COL4A4: variants seen among roughly 807,000 people sequenced by gnomAD.
COL4A4 encodes collagen alpha-4(IV) chain.
In COL4A4, 105 loss-of-function variants were observed where a neutral mutation model predicts 192.9. The ratio of observed to expected loss-of-function variants is 0.54; its 90% confidence interval spans 0.46 to 0.64. COL4A4 has a LOEUF of 0.64. Among genes scored for constraint, COL4A4 ranks in the 30% least tolerant of loss-of-function variants. COL4A4 has a pLI of 0.00. For missense variants in COL4A4, 1,967 were observed against 2,169.3 expected (o/e 0.91, Z 1.85); for synonymous variants, 762 against 769.9 (o/e 0.99, Z 0.17).
At chr2:227,062,947 G>A (rs965062068) in intron 25 of COL4A4, among the ~76,000 whole-genome samples, 1 of 152,176 alleles carries the variant, frequency 6.6e-6, no homozygotes, top group Non-Finnish European at 1.5e-5. Flanking sequence ...ATGTAATGGA[G>A]ATCTATTACA....
chr2:227,058,292 C>T (rs970251152), intron 28 of COL4A4, among the ~76,000 whole-genome samples: 1 of 151,806 alleles, frequency 6.6e-6, no homozygotes, highest in African/African-American at 2.4e-5. Flanking sequence ...GTGTGTCTGT[C>T]TTTGTTCTTT....
At chr2:227,150,502 ATTATC>A (rs1394582388) in intron 1 of COL4A4, among the ~76,000 whole-genome samples, 2 of 152,160 alleles carry the variant, frequency 1.3e-5, no homozygotes, top group African/African-American at 2.4e-5. Context: ...TATTATAAGA[ATTATC>A]TTATAATAAA....
intron 1 of COL4A4, among the ~76,000 whole-genome samples, chr2:227,158,806 A>T (rs2064566157): frequency 6.7e-6 from 1 of 149,984 alleles, no homozygotes; most frequent in South Asian, 2.1e-4. Flanking sequence ...AAATTAAAAA[A>T]TTAACAGCAA....
intron 37 of COL4A4, among the ~76,000 whole-genome samples, chr2:227,038,039 T>G (rs1970041535): frequency 6.6e-6 from 1 of 152,214 alleles, no homozygotes; most frequent in African/African-American, 2.4e-5. Flanking sequence ...CTGATGATAG[T>G]TTCTTTGCTG....
chr2:227,088,349 G>C lies in COL4A4; in HGVS notation c.1623+304C>G, dbSNP rs148276015. ...CTGGTAGAAGGTGACTGGATCATGG[G>C]GAGGGTTTCCCCCATGCTGTTCTCA... On this transcript the variant is annotated intron_variant, in intron 22 of 47. Coordinates refer to ENST00000396625, the MANE Select transcript of COL4A4 (RefSeq NM_000092.5). 7.9e-5 allele frequency among the ~76,000 whole-genome samples: 12 copies of C among 152,206 alleles called. No individual in the cohort carries two copies. The East Asian group carries it at 2.3e-3, about 30-fold the overall frequency.
At chr2:227,136,890 T>G (rs2062847795) in intron 4 of COL4A4, among the ~76,000 whole-genome samples, 1 of 141,146 alleles carries the variant, frequency 7.1e-6, no homozygotes, top group Non-Finnish European at 1.5e-5. Flanking sequence ...GTGTTCCTAT[T>G]CTGATAGTCC....
chr2:227,041,848 G>GAGAGAGAGAGAGAGAAAGAA (rs1971305412), intron 37 of COL4A4, among the ~76,000 whole-genome samples: 2 of 38,692 alleles, frequency 5.2e-5, no homozygotes, highest in Non-Finnish European at 9.5e-5. Context: ...AAGAAAGAAA[G>GAGAGAGAGAGAGAGAAAGAA]AGAAAGAAAG....
Position 227,054,689 on chromosome 2 carries a change from T to C in COL4A4, c.2765A>G (p.Lys922Arg). The change falls in exon 31 of 48, where the codon AAG (lysine) becomes AGG (arginine). Residue 922 changes from lysine to arginine, a missense_variant. By Grantham distance (26) the Lys-to-Arg change is conservative. Transcript: ENST00000396625. The part of the protein sequence containing the change: ...GFPGFPGERG[K>R]PGAEGCPGAK... ...GCCAGGACATCCCTCTGCACCAGGC[T>C]TTCCTCTTTCTCCGGGAAAACCTGG... 2 of 1,614,224 alleles carry C rather than the reference T, an allele frequency of 1.2e-6. No homozygotes were observed. Among genetic ancestry groups the C allele is most frequent in the Non-Finnish European group, 1.7e-6 (2 of 1,180,030 alleles).
At chr2:227,013,962 A>T (rs1021668977) in intron 44 of COL4A4, among the ~76,000 whole-genome samples, 2 of 152,170 alleles carry the variant, frequency 1.3e-5, no homozygotes, top group African/African-American at 4.8e-5. Flanking sequence ...TTAAAGCAGC[A>T]ACCCTGTCAT....
intron 1 of COL4A4, among the ~76,000 whole-genome samples, chr2:227,149,784 C>T (rs976064289): frequency 1.2e-4 from 19 of 152,114 alleles, no homozygotes; most frequent in Non-Finnish European, 2.2e-4. Flanking sequence ...GTTGTGGTCA[C>T]GTTCCAGAGA....
At chr2:227,101,720 C>T in intron 16 of COL4A4, 145 bp downstream of exon 16, 1 of 1,056,812 alleles carries the variant, frequency 9.5e-7, no homozygotes, top group Non-Finnish European at 1.4e-6. Context: ...TTTTTGCACC[C>T]ACAGCTAAAT....
At chr2:227,063,427 G>C (rs1316661672) in intron 25 of COL4A4, among the ~76,000 whole-genome samples, 2 of 151,946 alleles carry the variant, frequency 1.3e-5, no homozygotes, top group Non-Finnish European at 2.9e-5. Flanking sequence ...ATTTTGTTGG[G>C]TTCTAGACCA....
At chr2:227,157,708 T>C (rs137897774) in intron 1 of COL4A4, among the ~76,000 whole-genome samples, 5 of 152,084 alleles carry the variant, frequency 3.3e-5, no homozygotes, top group Admixed American at 1.3e-4. Context: ...TAAGAAACAA[T>C]AGAAAATTTA....
intron 44 of COL4A4, among the ~76,000 whole-genome samples, chr2:227,018,657 C>T (rs769458233): frequency 4.2e-4 from 64 of 152,132 alleles, no homozygotes; most frequent in Admixed American, 1.3e-3. Context: ...TTCACCAGAA[C>T]GACGGGGCAC....
chr2:227,037,683 A>G (rs959468547), intron 37 of COL4A4, among the ~76,000 whole-genome samples: 7 of 152,176 alleles, frequency 4.6e-5, no homozygotes, highest in African/African-American at 1.7e-4. Flanking sequence ...CAACAGTTGA[A>G]CTAATTTACA....
At chr2:227,013,586 C>T (rs986696241) in intron 44 of COL4A4, among the ~76,000 whole-genome samples, 1 of 152,172 alleles carries the variant, frequency 6.6e-6, no homozygotes, top group East Asian at 1.9e-4. Context: ...CCGCAAGCCA[C>T]GGAGGGAGGC....
chr2:226,970,427 T>C, the COL4A4 span, among the ~76,000 whole-genome samples: 2 of 152,184 alleles, frequency 1.3e-5, no homozygotes, highest in Admixed American at 6.5e-5. Context: ...TCTCATGATA[T>C]GAGTCTCATG....
chr2:227,156,483 G>A (rs552648978), intron 1 of COL4A4, among the ~76,000 whole-genome samples: 5 of 144,732 alleles, frequency 3.5e-5, no homozygotes, highest in South Asian at 4.2e-4. Flanking sequence ...GGAAGATCTC[G>A]GGAAATGGAA....
At chr2:226,984,353 C>G in the COL4A4 span, among the ~76,000 whole-genome samples, 2 of 152,208 alleles carry the variant, frequency 1.3e-5, no homozygotes, top group Non-Finnish European at 2.9e-5. Context: ...AGTGGGGTCC[C>G]TCTTCCTGGA....
Sources: allele counts gnomAD v4.1 joint callset (sites outside exome capture counted in the v4.1 genomes callset), GRCh38; gene constraint gnomAD v4.1.1; transcripts MANE v1.5; gene names NCBI Gene and HGNC (gene_info 2026-07-23, HGNC 2026-07-21).